SLC22A4: variants seen among roughly 807,000 people sequenced by gnomAD.
SLC22A4 encodes ET transporter.
A neutral mutation model predicts 56.6 loss-of-function variants in SLC22A4; 39 were observed. That is an observed-to-expected ratio of 0.69 (90% CI 0.53 to 0.90). The LOEUF (loss-of-function observed/expected upper bound fraction) is 0.90, where lower values mean the gene tolerates loss of function less well. Among genes scored for constraint, SLC22A4 ranks in the 40% least tolerant of loss-of-function variants. SLC22A4 has a pLI of 0.00. For missense variants in SLC22A4, 594 were observed against 696.5 expected (o/e 0.85, Z 1.66); for synonymous variants, 241 against 281.4 (o/e 0.86, Z 1.44).
chr5:132,303,893 T>G (rs934430264), intron 1 of SLC22A4, among the ~76,000 whole-genome samples: 4 of 152,190 alleles, frequency 2.6e-5, no homozygotes, highest in African/African-American at 9.7e-5. Flanking sequence ...CGGGGAGAGA[T>G]AATCCAAAAG....
chr5:132,329,111 AT>A (rs34494670), intron 5 of SLC22A4, among the ~76,000 whole-genome samples: 1 of 150,232 alleles, frequency 6.7e-6, no homozygotes, highest in South Asian at 2.1e-4. Flanking sequence ...AACATTTTGT[AT>A]TTTTTTTTGT....
chr5:132,319,122 C>T (rs1339124778), intron 3 of SLC22A4, among the ~76,000 whole-genome samples: 2 of 151,868 alleles, frequency 1.3e-5, no homozygotes, highest in African/African-American at 2.4e-5. Context: ...GCCAACATGG[C>T]AAAACCCCGT....
Position 132,343,884 on chromosome 5 carries a change from C to A in SLC22A4, c.*49C>A. On this transcript the variant is annotated 3_prime_UTR_variant, in exon 10 of 10. Transcript: ENST00000200652. ...AAGTGAAAAACAGAAAAATAAGACC[C>A]TGTGGAGAAATTCGTTGTTCCCACT... 1 of 1,217,470 alleles carries A rather than the reference C, an allele frequency of 8.2e-7. No individual in the cohort carries two copies. The highest frequency in any genetic ancestry group is 2.3e-5 in the East Asian group (1 of 42,884). The allele number at this position is 1,217,470 out of a possible 1,614,324, so 75.4% of individuals were successfully genotyped here.
At chr5:132,308,980 G>A (rs1750111337) in intron 1 of SLC22A4, among the ~76,000 whole-genome samples, 1 of 152,194 alleles carries the variant, frequency 6.6e-6, no homozygotes, top group Non-Finnish European at 1.5e-5. Flanking sequence ...GACCCACAGG[G>A]ACAGGTCTGT....
chr5:132,343,653 C>A, intron 9 of SLC22A4, 107 bp from the exon 10 acceptor site: 1 of 722,320 alleles, frequency 1.4e-6, no homozygotes, highest in Non-Finnish European at 2.5e-6. Flanking sequence ...CAAATAGTTA[C>A]TTGTTCATTG....
intron 3 of SLC22A4, among the ~76,000 whole-genome samples, chr5:132,317,201 A>G (rs1256841064): frequency 6.6e-6 from 1 of 152,256 alleles, no homozygotes; most frequent in Non-Finnish European, 1.5e-5. Flanking sequence ...CATTCAGTCC[A>G]TGACAGATTT....
chr5:132,326,270 A>G (rs1232221072), intron 4 of SLC22A4, among the ~76,000 whole-genome samples: 1 of 152,216 alleles, frequency 6.6e-6, no homozygotes, highest in Non-Finnish European at 1.5e-5. Flanking sequence ...TACCTTAAAC[A>G]TGCTCAGAAC....
Position 132,294,409 on chromosome 5 carries a change from T to A in SLC22A4, c.-208T>A. ...GTGTGGTCCCAAGTGTACAGTGGCA[T>A]CAAGCTCAGCGCGAGCTCCCGGGAA... On this transcript the variant is annotated 5_prime_UTR_variant, in exon 1 of 10. Transcript: ENST00000200652. The surrounding 1 kb of genome is among the most constrained non-coding windows in gnomAD (Gnocchi z 5.6). 1 of 657,640 alleles carries A rather than the reference T, an allele frequency of 1.5e-6. No homozygotes were observed. The highest frequency in any genetic ancestry group is 2.6e-6 in the Non-Finnish European group (1 of 380,020). The allele number at this position is 657,640 out of a possible 1,614,324, so 40.7% of individuals were successfully genotyped here. A position where few individuals can be genotyped will look rare whatever the true frequency, so the allele number is the denominator to read the frequency against.
intron 4 of SLC22A4, among the ~76,000 whole-genome samples, chr5:132,326,428 C>T (rs542656516): frequency 5.1e-4 from 77 of 152,278 alleles, no homozygotes; most frequent in Non-Finnish European, 9.1e-4. Flanking sequence ...AGTAAGGTTT[C>T]TACTCAATGC....
At chr5:132,310,412 G>A (rs998909900) in intron 1 of SLC22A4, among the ~76,000 whole-genome samples, 4 of 152,174 alleles carry the variant, frequency 2.6e-5, no homozygotes, top group Admixed American at 6.5e-5. Flanking sequence ...GCAGGCACAC[G>A]TCCTGTTTAC....
At chr5:132,318,903 G>T (rs1479444624) in intron 3 of SLC22A4, among the ~76,000 whole-genome samples, 1 of 152,138 alleles carries the variant, frequency 6.6e-6, no homozygotes, top group African/African-American at 2.4e-5. Flanking sequence ...AGGAGTCACT[G>T]CTGTGTCATC....
At chr5:132,332,400 T>C (rs1035566071) in intron 6 of SLC22A4, 2 of 158,302 alleles carry the variant, frequency 1.3e-5, no homozygotes, top group African/African-American at 4.8e-5. Flanking sequence ...CCTAAAGTTA[T>C]GGGATTGAGA....
intron 5 of SLC22A4, among the ~76,000 whole-genome samples, chr5:132,330,366 T>C (rs540992161): frequency 3.9e-5 from 6 of 152,332 alleles, no homozygotes; most frequent in Non-Finnish European, 8.8e-5. Context: ...TTATGTTAGT[T>C]TCAATTCTAA....
At position 132,294,476 on chromosome 5, in the gene SLC22A4, G is replaced by A; in HGVS notation, c.-141G>A. ...GCCTGTTTCCCAGGAACGGTCCCCG[G>A]CTTCGCGCCCCAATTTCTAACAGCC... On this transcript the variant is annotated 5_prime_UTR_variant, in exon 1 of 10. Transcript: ENST00000200652. The surrounding 1 kb of genome is among the most constrained non-coding windows in gnomAD (Gnocchi z 5.6). 1.7e-6 allele frequency: 2 copies of A among 1,211,816 alleles called. No homozygotes were observed. The highest frequency in any genetic ancestry group is 1.2e-6 in the Non-Finnish European group (1 of 856,548). 75.1% of individuals were successfully genotyped at this position (1,211,816 alleles called of 1,614,324 possible).
At chr5:132,295,619 A>G in intron 1 of SLC22A4, 1 of 260,376 alleles carries the variant, frequency 3.8e-6, no homozygotes, top group Admixed American at 5.0e-5. Context: ...CTCTGAGCAC[A>G]GGGTGAGTTG....
At chr5:132,330,319 TC>T (rs1750819426) in intron 5 of SLC22A4, among the ~76,000 whole-genome samples, 1 of 152,248 alleles carries the variant, frequency 6.6e-6, no homozygotes, top group Non-Finnish European at 1.5e-5. Context: ...TGGTACTTCA[TC>T]CCTGAGAGAT....
At chr5:132,295,972 G>T (rs762406656) in intron 1 of SLC22A4, among the ~76,000 whole-genome samples, 10 of 152,208 alleles carry the variant, frequency 6.6e-5, no homozygotes, top group Non-Finnish European at 1.0e-4. Context: ...CTAAGGTGTG[G>T]ACATCTGGTG....
chr5:132,337,497 G>T (rs58882372), intron 8 of SLC22A4, among the ~76,000 whole-genome samples: 1 of 150,664 alleles, frequency 6.6e-6, no homozygotes, highest in East Asian at 2.0e-4. Flanking sequence ...GGCTGGTTTC[G>T]AACTCCTGGG....
At chr5:132,330,800 C>T (rs1458375514) in intron 5 of SLC22A4, among the ~76,000 whole-genome samples, 24 of 152,122 alleles carry the variant, frequency 1.6e-4, no homozygotes, top group African/African-American at 4.8e-5. Flanking sequence ...AAGGATTTGT[C>T]ACTGACCGCT....
Sources: allele counts gnomAD v4.1 joint callset (sites outside exome capture counted in the v4.1 genomes callset), GRCh38; gene constraint gnomAD v4.1.1; non-coding constraint Gnocchi (gnomAD v3.1); transcripts MANE v1.5; gene names NCBI Gene and HGNC (gene_info 2026-07-23, HGNC 2026-07-21).